MBNL1: variants seen among roughly 807,000 people sequenced by gnomAD.
MBNL1 encodes the protein muscleblind like splicing regulator 1.
MBNL1 carries 8 observed loss-of-function variants against 42.2 expected under a neutral mutation model. The observed-to-expected ratio is 0.19, with a 90% confidence interval of 0.11 to 0.34. MBNL1 has a LOEUF of 0.34. Ranked by LOEUF, MBNL1 falls within the 10% of genes least tolerant of loss-of-function variation. The pLI, the probability that MBNL1 is intolerant of heterozygous loss-of-function variation, is 1.00. For missense variants in MBNL1, 309 were observed against 495.3 expected, an observed-to-expected ratio of 0.62 and a Z score of 3.57; for synonymous variants, 169 against 173.9, an observed-to-expected ratio of 0.97 and a Z score of 0.22.
intron 1 of MBNL1, among the ~76,000 whole-genome samples, chr3:152,279,180 G>C (rs1162682723): frequency 2.0e-5 from 3 of 151,994 alleles, no homozygotes; most frequent in Non-Finnish European, 4.4e-5. Flanking sequence ...TGTTGTTTTT[G>C]GAAAAAAACA....
intron 3 of MBNL1, among the ~76,000 whole-genome samples, chr3:152,432,457 T>C (rs1467236232): frequency 6.6e-6 from 1 of 152,222 alleles, no homozygotes; most frequent in Non-Finnish European, 1.5e-5. Context: ...ACAAGTATTA[T>C]AGACCCTCAG....
intron 1 of MBNL1, among the ~76,000 whole-genome samples, chr3:152,278,784 A>G (rs907522712): frequency 6.6e-6 from 1 of 152,164 alleles, no homozygotes; most frequent in Admixed American, 6.5e-5. Context: ...CTAAATAATC[A>G]GTTAACAAAC....
chr3:152,351,325 C>T (rs1026226196), intron 2 of MBNL1, among the ~76,000 whole-genome samples: 1 of 152,138 alleles, frequency 6.6e-6, no homozygotes, highest in Non-Finnish European at 1.5e-5. Context: ...TTGTCTGATC[C>T]ATACCATAAG....
At chr3:152,266,213 G>T (rs924907724), upstream of MBNL1, 2 of 152,066 alleles carry the variant, frequency 1.3e-5, no homozygotes, top group Non-Finnish European at 2.9e-5. Context: ...CTGTTTTTCT[G>T]TATCTAATGT....
intron 2 of MBNL1, among the ~76,000 whole-genome samples, chr3:152,257,717 A>G (rs944881756): frequency 2.0e-5 from 3 of 152,282 alleles, no homozygotes; most frequent in South Asian, 2.1e-4. Flanking sequence ...AATGCCTGGA[A>G]TAATCTCTTG....
chr3:152,402,500 C>T (rs948334502), intron 2 of MBNL1, among the ~76,000 whole-genome samples: 1 of 152,170 alleles, frequency 6.6e-6, no homozygotes, highest in African/African-American at 2.4e-5. Context: ...ATTGCTCTTT[C>T]CATGTCAACT....
intron 2 of MBNL1, among the ~76,000 whole-genome samples, chr3:152,312,772 A>G (rs1250914534): frequency 1.3e-5 from 2 of 152,196 alleles, no homozygotes; most frequent in East Asian, 3.8e-4. Context: ...ATTGGTTTAC[A>G]TTAGCTATAG....
At chr3:152,414,790 C>T in intron 2 of MBNL1, 151 bp from the exon 3 acceptor site, 1 of 680,422 alleles carries the variant, frequency 1.5e-6, no homozygotes, top group Non-Finnish European at 2.4e-6. Flanking sequence ...GAATTCATTA[C>T]TTGTTCTAAA....
intron 1 of MBNL1, among the ~76,000 whole-genome samples, chr3:152,277,703 A>ATATTT (rs2046091217): frequency 6.6e-6 from 1 of 152,154 alleles, no homozygotes; most frequent in Non-Finnish European, 1.5e-5. Flanking sequence ...CAAGCTTTTT[A>ATATTT]CAAATAAATG....
At position 152,432,895 on chromosome 3, in the gene MBNL1, AATT is replaced by A. The variant is rs1435529365; in HGVS notation, c.526_528del (p.Leu176del). ...GCAGCTGCTGCAGCTGCTGCACAGA[AATT>A]AATGCGAACAGACAGACTTGAGGTA... On this transcript the variant is annotated inframe_deletion, in exon 4 of 10. Transcript: ENST00000324210. 6.2e-7 allele frequency: 1 copy of A among 1,613,350 alleles called. No homozygotes were observed. Among genetic ancestry groups the A allele is most frequent in the Admixed American group, 1.7e-5 (1 of 60,000 alleles).
chr3:152,407,055 G>GTGTGTGTGTC (rs1435807775), intron 2 of MBNL1, among the ~76,000 whole-genome samples: 1 of 151,650 alleles, frequency 6.6e-6, no homozygotes, highest in East Asian at 1.9e-4. Flanking sequence ...CACTGTGTGT[G>GTGTGTGTGTC]TGTGTGTGTG....
At chr3:152,265,396 G>GTGTA (rs1383826665), upstream of MBNL1, 6 of 148,718 alleles carry the variant, frequency 4.0e-5, no homozygotes, top group African/African-American at 1.5e-4. Context: ...GAGTGTGTGT[G>GTGTA]TGTGTGTGTG....
chr3:152,409,161 A>G (rs1488427725), intron 2 of MBNL1, among the ~76,000 whole-genome samples: 1 of 152,226 alleles, frequency 6.6e-6, no homozygotes, highest in Non-Finnish European at 1.5e-5. Flanking sequence ...ACCCTGAAGT[A>G]TATATGTGTG....
chr3:152,249,149 G>A (rs2033930811), intron 2 of MBNL1, among the ~76,000 whole-genome samples: 2 of 127,984 alleles, frequency 1.6e-5, no homozygotes, highest in Admixed American at 1.6e-4. Flanking sequence ...GGGATGGCTG[G>A]GTCAAATGGT....
rs75712887 is a variant in MBNL1 at position 152,257,957 on chromosome 3, G to C, written n.333+13517G>C. Among the ~76,000 whole-genome samples the C allele has an allele frequency of 8.6e-3, 1,308 of 152,244 alleles. 30 individuals are homozygous for C. The East Asian group carries it at 0.09, about 10-fold the overall frequency. ...AGTGGGTGAGAAAAGTTCGACCAAA[G>C]AAACCTGTGCACTGACCAATCAATA... On this transcript the variant is annotated intron_variant and non_coding_transcript_variant, in intron 2 of 2. Coordinates refer to the MBNL1 transcript ENST00000477171.
intron 2 of MBNL1, among the ~76,000 whole-genome samples, chr3:152,329,456 G>A (rs1394071924): frequency 6.6e-6 from 1 of 151,164 alleles, no homozygotes; most frequent in East Asian, 1.9e-4. Context: ...GTGAGACTCT[G>A]TCTCTACCAA....
At chr3:152,319,883 AC>A (rs2075332633) in intron 2 of MBNL1, among the ~76,000 whole-genome samples, 1 of 151,704 alleles carries the variant, frequency 6.6e-6, no homozygotes, top group East Asian at 1.9e-4. Context: ...TTGTGCTCTT[AC>A]TCCTGGGTCC....
intron 5 of MBNL1, among the ~76,000 whole-genome samples, chr3:152,447,345 G>C (rs927121091): frequency 6.6e-6 from 1 of 151,956 alleles, no homozygotes; most frequent in African/African-American, 2.4e-5. Context: ...GAAGCATTAT[G>C]GGACATAAAG....
intron 2 of MBNL1, among the ~76,000 whole-genome samples, chr3:152,410,392 G>A (rs1042611738): frequency 2.6e-4 from 39 of 152,112 alleles, no homozygotes; most frequent in African/African-American, 9.4e-4. Flanking sequence ...GACTACAAGG[G>A]GGAAATTTTG....
Sources: gnomAD v4.1 joint callset for allele counts (sites outside exome capture counted in the v4.1 genomes callset) on GRCh38, gnomAD v4.1.1 for gene constraint, MANE v1.5 for transcripts, NCBI Gene and HGNC (gene_info 2026-07-23, HGNC 2026-07-21) for gene names.